The following MRC1 variants were observed in gnomAD, a reference collection of about 807,000 sequenced individuals.
MRC1 encodes the protein mannose receptor C-type 1, also known as macrophage mannose receptor 1.
MRC1 carries 62 observed loss-of-function variants against 102.9 expected under a neutral mutation model. That is an observed-to-expected ratio of 0.60 (90% CI 0.49 to 0.74). The LOEUF is 0.74. Ranked by LOEUF, MRC1 falls within the 30% of genes least tolerant of loss-of-function variation. The pLI is 0.00. For missense variants in MRC1, 1,237 were observed against 862.8 expected (o/e 1.43, Z -5.43); for synonymous variants, 457 against 298.4 (o/e 1.53, Z -5.48).
rs1233865670 is a variant in MRC1 at position 17,900,972 on chromosome 10, ACAGT to A, written c.3649+23_3649+26del. Reference sequence around the variant, plus strand: ...TCAGATGGTAATTGAATATATAAAAACAGTCAGGGGATCTGAAAATTTCTGAATA... The same window carrying A: ...TCAGATGGTAATTGAATATATAAAAACAGGGGATCTGAAAATTTCTGAATA... On this transcript the variant is annotated intron_variant, in intron 25 of 29. Transcript: ENST00000569591. The A allele has an allele frequency of 6.4e-6, 5 of 777,818 alleles. No individual in the cohort carries two copies. The highest frequency in any genetic ancestry group is 3.4e-5 in the African/African-American group (2 of 58,984). 48.2% of individuals were successfully genotyped at this position (777,818 alleles called of 1,614,324 possible). A position where few individuals can be genotyped will look rare whatever the true frequency, so the allele number is the denominator to read the frequency against.
chr10:17,868,950 G>A (rs1833317241), intron 12 of MRC1, among the ~76,000 whole-genome samples: 1 of 152,194 alleles, frequency 6.6e-6, no homozygotes, highest in African/African-American at 2.4e-5. Flanking sequence ...AAACTTTTGA[G>A]TTACTACACA....
rs545020746 is a variant in MRC1 at position 17,828,906 on chromosome 10, A to G, written c.637+1191A>G. Among the ~76,000 whole-genome samples, 15 of 151,618 alleles carry G rather than the reference A, an allele frequency of 9.9e-5. No homozygotes were observed. In the South Asian group the frequency reaches 3.1e-3, roughly 31 times the overall value. On this transcript the variant is annotated intron_variant, in intron 3 of 29. Transcript: ENST00000569591. ...TGGAGGAGGGCGTCATGTTGAAGGC[A>G]GAGCTGGGGCTGAGGAAAAAGGAAA... is the stretch of plus-strand genomic sequence containing the variant.
chr10:17,832,726 T>G (rs1273879118), intron 3 of MRC1, among the ~76,000 whole-genome samples: 3 of 150,866 alleles, frequency 2.0e-5, no homozygotes, highest in Admixed American at 6.6e-5. Flanking sequence ...TAGCTGGGAC[T>G]ACAGGCGCCC....
In MRC1 at chr10:17,861,344, C is replaced by T. The variant is rs1182261196; in HGVS notation, c.1519-43C>T. On this transcript the variant is annotated intron_variant, in intron 9 of 29. Coordinates refer to ENST00000569591, the MANE Select transcript of MRC1 (RefSeq NM_002438.4). ...ATAATAATATTTTATAATATATATG[C>T]ATGAACTCTGCTCATTTATTCACTG... 6.1e-6 allele frequency: 5 copies of T among 822,636 alleles called. No homozygotes were observed. The East Asian group carries it at 1.2e-4, about 20-fold the overall frequency. 51.0% of individuals were successfully genotyped at this position (822,636 alleles called of 1,614,324 possible).
chr10:17,896,069 A>G (rs1340255022), intron 23 of MRC1, among the ~76,000 whole-genome samples: 2 of 152,126 alleles, frequency 1.3e-5, no homozygotes, highest in Admixed American at 6.5e-5. Flanking sequence ...CCTGCCTCCT[A>G]CCTCATAGCT....
chr10:17,880,707 A>T, intron 20 of MRC1, 37 bp downstream of exon 20: 1 of 780,256 alleles, frequency 1.3e-6, no homozygotes, highest in South Asian at 1.3e-5. Context: ...GGCACTGATC[A>T]GTATGGAGAG....
intron 1 of MRC1, among the ~76,000 whole-genome samples, chr10:17,821,209 A>C (rs1838390020): frequency 1.3e-5 from 2 of 152,190 alleles, no homozygotes; most frequent in South Asian, 4.1e-4. Flanking sequence ...CTAGGAACCC[A>C]GGTGGCATAG....
intron 22 of MRC1, among the ~76,000 whole-genome samples, chr10:17,889,083 G>A (rs1833639524): frequency 6.6e-6 from 1 of 151,652 alleles, no homozygotes; most frequent in African/African-American, 2.4e-5. Context: ...AATATAGCTG[G>A]TCTAGCTTTC....
At chr10:17,869,025 G>A (rs1465965278) in intron 12 of MRC1, among the ~76,000 whole-genome samples, 1 of 152,172 alleles carries the variant, frequency 6.6e-6, no homozygotes. Flanking sequence ...ATTTATTGCA[G>A]TTTTCTGAGA....
At chr10:17,845,131 G>C (rs1254617726) in intron 5 of MRC1, 158 bp from the exon 6 acceptor site, 1 of 779,002 alleles carries the variant, frequency 1.3e-6, no homozygotes, top group African/African-American at 1.7e-5. Context: ...CGTGTCTTTT[G>C]CTCTGCAGTC....
chr10:17,897,998 A>G (rs1326680157), intron 23 of MRC1, 36 bp from the exon 24 acceptor site: 3 of 780,650 alleles, frequency 3.8e-6, no homozygotes, highest in Non-Finnish European at 7.2e-6. Flanking sequence ...ATTACTGTTT[A>G]TTGATAATGC....
intron 22 of MRC1, among the ~76,000 whole-genome samples, chr10:17,887,650 C>G (rs936414707): frequency 2.6e-5 from 4 of 152,090 alleles, no homozygotes; most frequent in Non-Finnish European, 5.9e-5. Context: ...ACAATAAAAA[C>G]AAACTAACAA....
At chr10:17,855,364 G>T (rs1833071353) in intron 8 of MRC1, among the ~76,000 whole-genome samples, 1 of 152,058 alleles carries the variant, frequency 6.6e-6, no homozygotes, top group African/African-American at 2.4e-5. Context: ...GAGGTCGGGA[G>T]ATCGAGACCA....
chr10:17,877,136 T>G (rs1833447766), intron 17 of MRC1, among the ~76,000 whole-genome samples: 1 of 149,248 alleles, frequency 6.7e-6, no homozygotes, highest in South Asian at 2.1e-4. Context: ...TACATTATAA[T>G]GAAATTAATA....
intron 8 of MRC1, among the ~76,000 whole-genome samples, chr10:17,854,113 G>T (rs886404571): frequency 1.3e-5 from 2 of 152,112 alleles, no homozygotes; most frequent in Admixed American, 6.6e-5. Flanking sequence ...ACCACGCCTG[G>T]CTAATTTTTT....
intron 1 of MRC1, among the ~76,000 whole-genome samples, chr10:17,813,682 T>TTATATA (rs1160018461): frequency 1.1e-4 from 14 of 124,052 alleles, no homozygotes; most frequent in African/African-American, 3.6e-4. Flanking sequence ...CACACACACA[T>TTATATA]TATATATATA....
chr10:17,868,972 C>T (rs1238486354), intron 12 of MRC1, among the ~76,000 whole-genome samples: 1 of 152,178 alleles, frequency 6.6e-6, no homozygotes, highest in African/African-American at 2.4e-5. Context: ...AGGCCAGATT[C>T]ATCTTATTCC....
intron 28 of MRC1, among the ~76,000 whole-genome samples, chr10:17,908,676 C>G (rs1190480412): frequency 1.3e-5 from 2 of 152,152 alleles, no homozygotes; most frequent in South Asian, 2.1e-4. Flanking sequence ...TCAAGCCATT[C>G]TCCTGCCTCA....
intron 26 of MRC1, among the ~76,000 whole-genome samples, chr10:17,904,968 T>C (rs1177753099): frequency 6.6e-6 from 1 of 152,252 alleles, no homozygotes; most frequent in Non-Finnish European, 1.5e-5. Flanking sequence ...GTTACAATGT[T>C]AGACAATTGC....
Sources: gnomAD v4.1 joint callset for allele counts (sites outside exome capture counted in the v4.1 genomes callset) on GRCh38, gnomAD v4.1.1 for gene constraint, MANE v1.5 for transcripts, NCBI Gene and HGNC (gene_info 2026-07-23, HGNC 2026-07-21) for gene names.